The following TOM1L2 variants were observed in gnomAD, a reference collection of about 807,000 sequenced individuals.
TOM1L2 encodes TOM1-like protein 2.
TOM1L2 carries 31 observed loss-of-function variants against 67.9 expected under a neutral mutation model. The observed-to-expected ratio is 0.46, with a 90% CI of 0.34 to 0.62. The LOEUF (loss-of-function observed/expected upper bound fraction) is 0.62, where lower values mean the gene tolerates loss of function less well. Ranked by LOEUF, TOM1L2 falls within the 20% of genes least tolerant of loss-of-function variation. The probability of loss-of-function intolerance (pLI) is 0.01; values close to 1 mark genes in which losing one functional copy is unlikely to be tolerated. For synonymous variants in TOM1L2, 256 were observed against 254.0 expected (o/e 1.01, Z -0.07); for missense variants, 606 against 663.5 (o/e 0.91, Z 0.95).
intron 1 of TOM1L2, among the ~76,000 whole-genome samples, chr17:17,968,620 G>A (rs905946597): frequency 2.7e-5 from 4 of 150,562 alleles, no homozygotes; most frequent in Admixed American, 6.6e-5. Flanking sequence ...AGCTTAGATC[G>A]TGCCACTGCA....
intron 1 of TOM1L2, among the ~76,000 whole-genome samples, chr17:17,965,661 G>A (rs754367558): frequency 4.6e-5 from 7 of 152,148 alleles, no homozygotes; most frequent in Non-Finnish European, 7.3e-5. Context: ...GTGACCTTAG[G>A]TAGGTTCCAT....
intron 1 of TOM1L2, among the ~76,000 whole-genome samples, chr17:17,948,808 C>T (rs1398599769): frequency 1.3e-5 from 2 of 152,112 alleles, no homozygotes; most frequent in East Asian, 1.9e-4. Context: ...GAAGGGCTTG[C>T]TTCCCCCTAT....
At chr17:17,936,926 A>G (rs181072832) in intron 1 of TOM1L2, among the ~76,000 whole-genome samples, 11 of 152,234 alleles carry the variant, frequency 7.2e-5, no homozygotes, top group Non-Finnish European at 1.2e-4. Context: ...TCTAAGTTCA[A>G]CCTCTTTGAT....
At chr17:17,886,247 G>A (rs1236248328) in intron 4 of TOM1L2, among the ~76,000 whole-genome samples, 1 of 152,250 alleles carries the variant, frequency 6.6e-6, no homozygotes, top group Non-Finnish European at 1.5e-5. Context: ...TATGACTGAT[G>A]CATCTCACCA....
intron 1 of TOM1L2, among the ~76,000 whole-genome samples, chr17:17,931,636 G>A (rs1203881985): frequency 6.6e-6 from 1 of 152,162 alleles, no homozygotes; most frequent in Non-Finnish European, 1.5e-5. Context: ...TTACACATGA[G>A]GGGACCTCAA....
intron 3 of TOM1L2, among the ~76,000 whole-genome samples, chr17:17,895,133 T>A (rs545898037): frequency 1.3e-5 from 2 of 152,158 alleles, no homozygotes; most frequent in South Asian, 4.1e-4. Flanking sequence ...AGGACAGGTA[T>A]GTAGCCTCTT....
chr17:17,872,098 C>T, intron 7 of TOM1L2: 1 of 962,920 alleles, frequency 1.0e-6, no homozygotes, highest in Non-Finnish European at 1.2e-6. Flanking sequence ...CCAATGGACA[C>T]TCACAGGTCA....
intron 12 of TOM1L2, chr17:17,851,263 G>A (rs911425233): frequency 4.0e-5 from 16 of 402,572 alleles, no homozygotes; most frequent in Non-Finnish European, 6.1e-5. Context: ...CTCACATTGC[G>A]GGGCCTCTCA....
chr17:17,970,450 G>A (rs933374889), intron 1 of TOM1L2, among the ~76,000 whole-genome samples: 1 of 151,216 alleles, frequency 6.6e-6, no homozygotes, highest in Non-Finnish European at 1.5e-5. Flanking sequence ...ATTATAAAGG[G>A]GACAGAAAGG....
At chr17:17,911,192 C>G (rs980550101) in intron 1 of TOM1L2, among the ~76,000 whole-genome samples, 1 of 152,104 alleles carries the variant, frequency 6.6e-6, no homozygotes, top group African/African-American at 2.4e-5. Flanking sequence ...TGGCCTGGGT[C>G]CTACCCCAGG....
At chr17:17,970,306 C>T (rs1009885402) in intron 1 of TOM1L2, among the ~76,000 whole-genome samples, 6 of 152,108 alleles carry the variant, frequency 3.9e-5, no homozygotes, top group East Asian at 1.9e-4. Context: ...CCTTGTGATC[C>T]GCCCGCCTCA....
intron 1 of TOM1L2, among the ~76,000 whole-genome samples, chr17:17,965,836 C>T (rs1395999262): frequency 2.6e-5 from 4 of 152,044 alleles, no homozygotes; most frequent in Admixed American, 6.6e-5. Context: ...ACCCCAAAAA[C>T]GGGGCCGGGC....
intron 7 of TOM1L2, among the ~76,000 whole-genome samples, chr17:17,870,542 C>T (rs775083326): frequency 1.3e-5 from 2 of 152,196 alleles, no homozygotes; most frequent in Non-Finnish European, 2.9e-5. Flanking sequence ...TACCTGGGCA[C>T]TGGAGGGTGC....
intron 12 of TOM1L2, 53 bp from the exon 13 acceptor site, chr17:17,851,005 G>A: frequency 3.8e-6 from 6 of 1,590,388 alleles, no homozygotes; most frequent in Non-Finnish European, 4.3e-6. Flanking sequence ...CCAGCGAGGG[G>A]AGACAGAACA....
chr17:17,914,861 G>A (rs1335851120), intron 1 of TOM1L2, among the ~76,000 whole-genome samples: 1 of 152,030 alleles, frequency 6.6e-6, no homozygotes, highest in Non-Finnish European at 1.5e-5. Context: ...AAAAGGTTAG[G>A]GATATATCTT....
chr17:17,872,247 A>G (rs965626634), intron 7 of TOM1L2, among the ~76,000 whole-genome samples: 3 of 152,262 alleles, frequency 2.0e-5, no homozygotes, highest in Non-Finnish European at 4.4e-5. Context: ...CAAAATAAAA[A>G]TGTCCAAACT....
At chr17:17,877,003 G>C (rs2037458511) in intron 7 of TOM1L2, among the ~76,000 whole-genome samples, 1 of 152,230 alleles carries the variant, frequency 6.6e-6, no homozygotes, top group Non-Finnish European at 1.5e-5. Context: ...AGGAGGAGTT[G>C]CTGTGTTCAC....
chr17:17,880,016 G>C (rs2037637186), intron 6 of TOM1L2, among the ~76,000 whole-genome samples: 1 of 152,182 alleles, frequency 6.6e-6, no homozygotes, highest in Non-Finnish European at 1.5e-5. Flanking sequence ...AGGGCTCCGT[G>C]TCAGGAGTGC....
intron 1 of TOM1L2, among the ~76,000 whole-genome samples, chr17:17,943,028 G>T (rs746518158): frequency 2.8e-4 from 43 of 152,078 alleles, no homozygotes; most frequent in Non-Finnish European, 5.6e-4. Flanking sequence ...GAGTGGGAGG[G>T]GAGGATGATT....
Sources: gnomAD v4.1 joint callset for allele counts (sites outside exome capture counted in the v4.1 genomes callset) on GRCh38, gnomAD v4.1.1 for gene constraint, MANE v1.5 for transcripts, NCBI Gene and HGNC (gene_info 2026-07-23, HGNC 2026-07-21) for gene names.